EPHA5: variants seen among roughly 807,000 people sequenced by gnomAD.
The protein encoded by EPHA5 is ephrin type-A receptor 5.
EPHA5 carries 60 observed loss-of-function variants against 105.0 expected under a neutral mutation model. That is an observed-to-expected ratio of 0.57 (90% CI 0.46 to 0.71). The LOEUF is 0.71. Among genes scored for constraint, EPHA5 ranks in the 30% least tolerant of loss-of-function variants. EPHA5 has a pLI of 0.00. For missense variants in EPHA5, 1,218 were observed against 1,274.7 expected, an observed-to-expected ratio of 0.96 and a Z score of 0.68; for synonymous variants, 513 against 449.1, an observed-to-expected ratio of 1.14 and a Z score of -1.80.
At chr4:65,407,695 T>C (rs1722495913) in intron 7 of EPHA5, among the ~76,000 whole-genome samples, 1 of 150,752 alleles carries the variant, frequency 6.6e-6, no homozygotes, top group African/African-American at 2.4e-5. Flanking sequence ...AATTTATTTA[T>C]ATAATTTTAT....
rs1486894578 is a variant in EPHA5 at position 65,601,756 on chromosome 4, A to C, written c.795T>G (p.His265Gln). ...LLEVSGSCVN[H>Q]SVTDEPPKMH... ...TTTTGGGAGGTTCATCGGTCACAGAATGGTTGACACAGGAGCCTGACACTT... is the reference window on the plus strand; with the variant it reads ...TTTTGGGAGGTTCATCGGTCACAGACTGGTTGACACAGGAGCCTGACACTT... Residue 265 changes from histidine to glutamine, a missense_variant, in exon 3 of 17, where the codon CAT (histidine) becomes CAG (glutamine). Physicochemically the swap from His to Gln is conservative, Grantham distance 24. Coordinates refer to ENST00000613740, the MANE Select transcript of EPHA5 (RefSeq NM_001281766.3). The C allele has an allele frequency of 6.2e-7, 1 of 1,614,144 alleles. No individual in the cohort carries two copies. The highest frequency in any genetic ancestry group is 8.5e-7 in the Non-Finnish European group (1 of 1,180,024).
chr4:65,501,154 C>T (rs1489926201), intron 3 of EPHA5, among the ~76,000 whole-genome samples: 1 of 151,370 alleles, frequency 6.6e-6, no homozygotes, highest in Non-Finnish European at 1.5e-5. Flanking sequence ...GGAATTAAAA[C>T]TCAAAACATG....
chr4:65,541,378 T>C (rs141823677), intron 3 of EPHA5, among the ~76,000 whole-genome samples: 12 of 151,772 alleles, frequency 7.9e-5, no homozygotes, highest in Non-Finnish European at 1.6e-4. Context: ...AAGTCACACA[T>C]AGGTTCAAAA....
intron 3 of EPHA5, among the ~76,000 whole-genome samples, chr4:65,523,974 A>G (rs560351070): frequency 4.4e-4 from 67 of 151,988 alleles, no homozygotes; most frequent in African/African-American, 1.5e-3. Context: ...AATGATGAAA[A>G]TCCTAGAAGT....
chr4:65,365,296 A>G (rs1717761219), intron 10 of EPHA5, 94 bp from the exon 11 acceptor site: 1 of 1,029,908 alleles, frequency 9.7e-7, no homozygotes, highest in Admixed American at 2.3e-5. Flanking sequence ...GGCTTAGATG[A>G]AAAAACAAAC....
At chr4:65,487,337 G>C (rs1376499218) in intron 5 of EPHA5, among the ~76,000 whole-genome samples, 2 of 152,080 alleles carry the variant, frequency 1.3e-5, no homozygotes. Context: ...TTATGGTTTA[G>C]CTTTCCAACA....
intron 4 of EPHA5, among the ~76,000 whole-genome samples, chr4:65,493,909 A>G (rs1278046864): frequency 6.6e-6 from 1 of 152,170 alleles, no homozygotes; most frequent in African/African-American, 2.4e-5. Context: ...AAGATAATTT[A>G]AAACATGGTT....
At chr4:65,412,050 G>A (rs1288182205) in intron 7 of EPHA5, among the ~76,000 whole-genome samples, 2 of 152,144 alleles carry the variant, frequency 1.3e-5, no homozygotes, top group Non-Finnish European at 2.9e-5. Flanking sequence ...CCAACATGGA[G>A]AAACCTCATC....
At chr4:65,604,635 G>A (rs1010585904) in intron 2 of EPHA5, among the ~76,000 whole-genome samples, 1 of 151,778 alleles carries the variant, frequency 6.6e-6, no homozygotes, top group Non-Finnish European at 1.5e-5. Flanking sequence ...TTTTAGGCTG[G>A]CTCTCTGAAA....
chr4:65,651,024 T>A (rs1269541574), intron 1 of EPHA5, among the ~76,000 whole-genome samples: 1 of 152,238 alleles, frequency 6.6e-6, no homozygotes, highest in Non-Finnish European at 1.5e-5. Context: ...GTCCCACTAT[T>A]GATTCAGTTC....
chr4:65,651,156 C>A (rs1192411098), intron 1 of EPHA5, among the ~76,000 whole-genome samples: 2 of 152,288 alleles, frequency 1.3e-5, no homozygotes, highest in South Asian at 4.1e-4. Context: ...GGAACTGATA[C>A]AGTCATCGAG....
intron 2 of EPHA5, among the ~76,000 whole-genome samples, chr4:65,607,214 A>G (rs911997271): frequency 6.6e-6 from 1 of 152,064 alleles, no homozygotes; most frequent in African/African-American, 2.4e-5. Context: ...AATACCTAAA[A>G]CCATAAAAAC....
intron 9 of EPHA5, 136 bp from the exon 10 acceptor site, chr4:65,366,193 G>T: frequency 2.8e-6 from 2 of 710,680 alleles, no homozygotes; most frequent in Non-Finnish European, 4.4e-6. Context: ...GCCCTCTCCT[G>T]AGTTACAGTT....
chr4:65,606,725 C>A (rs1327510578), intron 2 of EPHA5, among the ~76,000 whole-genome samples: 1 of 152,144 alleles, frequency 6.6e-6, no homozygotes, highest in Non-Finnish European at 1.5e-5. Context: ...ACTCAGTAGT[C>A]TTCTTCACCA....
chr4:65,411,491 C>T (rs1291945878), intron 7 of EPHA5, among the ~76,000 whole-genome samples: 1 of 152,060 alleles, frequency 6.6e-6, no homozygotes, highest in Non-Finnish European at 1.5e-5. Context: ...AAAGTATACT[C>T]AGGGAAATTT....
At chr4:65,341,863 T>A (rs1721759677) in intron 14 of EPHA5, among the ~76,000 whole-genome samples, 1 of 151,934 alleles carries the variant, frequency 6.6e-6, no homozygotes, top group Middle Eastern at 3.2e-3. Context: ...GATATGAAGC[T>A]CCCTACAAAT....
chr4:65,465,540 AGGAAGGAAAGGAAGGAAAG>A lies in EPHA5; in HGVS notation c.1402+24818_1402+24836del, dbSNP rs1560567687. The stretch of plus-strand genomic sequence containing the variant: ...GAAAGAAAGAAAGAAAAGAAAGGAA[AGGAAGGAAAGGAAGGAAAG>A]GAAGGAAAGGAAGGAAAGGAAGGAA... On this transcript the variant is annotated intron_variant, in intron 5 of 16. Coordinates refer to ENST00000613740, the MANE Select transcript of EPHA5 (RefSeq NM_001281766.3). 1.4e-4 allele frequency among the ~76,000 whole-genome samples: 10 copies of A among 71,936 alleles called. 1 individual carries two copies. In the East Asian group the frequency reaches 3.2e-3, roughly 23 times the overall value. 47.2% of individuals were successfully genotyped at this position (71,936 alleles called of 152,430 possible). A position where few individuals can be genotyped will look rare whatever the true frequency, so the allele number is the denominator to read the frequency against.
At chr4:65,550,635 A>G (rs1045871463) in intron 3 of EPHA5, among the ~76,000 whole-genome samples, 1 of 152,082 alleles carries the variant, frequency 6.6e-6, no homozygotes, top group Admixed American at 6.6e-5. Context: ...GGAGATCGAA[A>G]TCATCCTTGC....
At chr4:65,586,494 C>T (rs966180690) in intron 3 of EPHA5, among the ~76,000 whole-genome samples, 1 of 151,836 alleles carries the variant, frequency 6.6e-6, no homozygotes, top group Admixed American at 6.6e-5. Flanking sequence ...GTAGCAGTTA[C>T]TATTTTTCTT....
Sources: allele counts gnomAD v4.1 joint callset (sites outside exome capture counted in the v4.1 genomes callset), GRCh38; gene constraint gnomAD v4.1.1; transcripts MANE v1.5; gene names NCBI Gene and HGNC (gene_info 2026-07-23, HGNC 2026-07-21).